Variants in PXDN observed in about 807,000 individuals in gnomAD.
The protein encoded by PXDN is peroxidasin homolog.
Under a neutral mutation model 140.3 loss-of-function variants are expected in PXDN, and 77 were observed. The observed-to-expected ratio is 0.55, with a 90% CI of 0.46 to 0.66. PXDN has a LOEUF of 0.66. Ranked by LOEUF, PXDN falls within the 30% of genes least tolerant of loss-of-function variation. The pLI, the probability that PXDN is intolerant of heterozygous loss-of-function variation, is 0.00. For missense variants in PXDN, 1,838 were observed against 2,039.5 expected, an observed-to-expected ratio of 0.90 and a Z score of 1.90; for synonymous variants, 911 against 857.4, an observed-to-expected ratio of 1.06 and a Z score of -1.09.
chr2:1,708,009 C>T (rs889068454), intron 1 of PXDN, among the ~76,000 whole-genome samples: 1 of 152,264 alleles, frequency 6.6e-6, no homozygotes, highest in African/African-American at 2.4e-5. Context: ...CCAGCTGGAA[C>T]AATGAGCTTT....
intron 1 of PXDN, among the ~76,000 whole-genome samples, chr2:1,739,774 C>CT (rs1388520139): frequency 6.6e-6 from 1 of 152,214 alleles, no homozygotes; most frequent in Non-Finnish European, 1.5e-5. Context: ...AGCCGCCTCC[C>CT]AGGCTCCCAC....
At chr2:1,667,816 T>A (rs1255707631) in intron 9 of PXDN, among the ~76,000 whole-genome samples, 1 of 152,120 alleles carries the variant, frequency 6.6e-6, no homozygotes, top group Admixed American at 6.5e-5. Flanking sequence ...TACAAACAAA[T>A]GGAAAAACAT....
At position 1,700,514 on chromosome 2, in the gene PXDN, A is replaced by G. The variant is rs574038970; in HGVS notation, c.201-7380T>C. ...CTCCTCATTAAGGTACAGGATTTCA[A>G]CTCGAATGTGCCTTCCTGAAGTAAA... is the stretch of plus-strand genomic sequence containing the variant. On this transcript the variant is annotated intron_variant, in intron 1 of 22. Transcript: ENST00000252804. Among the ~76,000 whole-genome samples the G allele has an allele frequency of 2.6e-5, 4 of 152,264 alleles. No individual in the cohort carries two copies. The East Asian group carries it at 5.8e-4, about 22-fold the overall frequency.
At chr2:1,637,061 G>A (rs1387220589) in intron 21 of PXDN, 2 of 152,320 alleles carry the variant, frequency 1.3e-5, no homozygotes, top group African/African-American at 4.8e-5. Flanking sequence ...GTCCAGCATT[G>A]TGGACAGAAT....
intron 9 of PXDN, among the ~76,000 whole-genome samples, chr2:1,673,370 T>C (rs2125433971): frequency 6.6e-6 from 1 of 152,120 alleles, no homozygotes; most frequent in South Asian, 2.1e-4. Context: ...GGCAAGGCCC[T>C]CTCTCAATGG....
chr2:1,658,842 G>A (rs771670882), intron 14 of PXDN, among the ~76,000 whole-genome samples: 77 of 121,368 alleles, frequency 6.3e-4, no homozygotes, highest in South Asian at 1.2e-3. Flanking sequence ...CCATCTCCCC[G>A]CGGCTCCCTC....
chr2:1,699,644 A>G (rs1185293411), intron 1 of PXDN, among the ~76,000 whole-genome samples: 1 of 152,158 alleles, frequency 6.6e-6, no homozygotes, highest in Non-Finnish European at 1.5e-5. Context: ...CAGGAGGTGG[A>G]GGTTGCAGTG....
intron 16 of PXDN, among the ~76,000 whole-genome samples, chr2:1,652,853 A>T (rs1683045640): frequency 6.6e-6 from 1 of 152,174 alleles, no homozygotes; most frequent in Non-Finnish European, 1.5e-5. Context: ...CAATGAAAAC[A>T]ATTTGGAAAA....
At chr2:1,659,756 A>T (rs140992400) in intron 14 of PXDN, among the ~76,000 whole-genome samples, 1,552 of 152,292 alleles carry the variant, frequency 0.01, 25 homozygotes, top group African/African-American at 0.036. Flanking sequence ...TACATTTCAC[A>T]CTCTACATAT....
At position 1,660,775 on chromosome 2, in the gene PXDN, G is replaced by A. The variant is rs920721317; in HGVS notation, c.1837+106C>T. 9.3e-6 allele frequency: 13 copies of A among 1,399,678 alleles called. No individual in the cohort carries two copies. In the African/African-American group the frequency reaches 1.6e-4, roughly 17 times the overall value. 86.7% of individuals were successfully genotyped at this position (1,399,678 alleles called of 1,614,324 possible). A position where few individuals can be genotyped will look rare whatever the true frequency, so the allele number is the denominator to read the frequency against. ...GGGAATCAAGGGTGCTTTGTCTTCT[G>A]AATAATTCTGAACAGCCTAAGTCAA... On this transcript the variant is annotated intron_variant, in intron 14 of 22. Transcript: ENST00000252804. This position sits in a 1 kb window ranked among gnomAD's most constrained non-coding sequence, Gnocchi z 4.6.
intron 14 of PXDN, among the ~76,000 whole-genome samples, chr2:1,655,253 T>C (rs1166079631): frequency 6.8e-6 from 1 of 146,960 alleles, no homozygotes; most frequent in African/African-American, 2.6e-5. Flanking sequence ...CAGAAACACA[T>C]ACGCCACCTA....
chr2:1,646,396 C>G (rs1358129778), intron 17 of PXDN, among the ~76,000 whole-genome samples: 11 of 152,166 alleles, frequency 7.2e-5, no homozygotes, highest in Non-Finnish European at 1.5e-4. Flanking sequence ...GGAGAGTAAT[C>G]TGTGTCAGTT....
At chr2:1,731,995 C>T (rs756981324) in intron 1 of PXDN, among the ~76,000 whole-genome samples, 1 of 152,102 alleles carries the variant, frequency 6.6e-6, no homozygotes, top group African/African-American at 2.4e-5. Flanking sequence ...TTTTACCACA[C>T]CTGCTTGCAG....
intron 1 of PXDN, among the ~76,000 whole-genome samples, chr2:1,733,330 T>C (rs1384270411): frequency 6.6e-6 from 1 of 151,986 alleles, no homozygotes; most frequent in Non-Finnish European, 1.5e-5. Flanking sequence ...ATCCAATTGC[T>C]CCACACCAGG....
intron 9 of PXDN, among the ~76,000 whole-genome samples, 179 bp downstream of exon 9, chr2:1,673,464 C>T (rs534544615): frequency 1.2e-4 from 18 of 152,286 alleles, no homozygotes; most frequent in Admixed American, 2.6e-4. Context: ...ACCACAGCAC[C>T]GCTCATGGAT....
intron 7 of PXDN, among the ~76,000 whole-genome samples, chr2:1,679,088 A>ATGTG (rs111613941): frequency 0.064 from 9,503 of 147,960 alleles, 372 homozygotes; most frequent in South Asian, 0.11. Flanking sequence ...ATGTGCATGC[A>ATGTG]TGTGTGTGTG....
rs117207020 is a variant in PXDN, at chr2:1,635,527, G to A, written c.4207-6C>T. 2.0e-3 allele frequency: 3,203 copies of A among 1,568,312 alleles called. 82 individuals are homozygous for A. In the East Asian group the frequency reaches 0.05, roughly 24 times the overall value. On this transcript the variant is annotated splice_polypyrimidine_tract_variant and splice_region_variant and intron_variant, in intron 21 of 22. Transcript: ENST00000252804. The stretch of plus-strand genomic sequence containing the variant: ...CGTGATTCAAGTTTCTTTATCTGCA[G>A]CAATGCAAAGAACATTCATTCATTG...
intron 3 of PXDN, among the ~76,000 whole-genome samples, chr2:1,688,606 C>A (rs950333927): frequency 3.9e-5 from 6 of 152,184 alleles, no homozygotes; most frequent in African/African-American, 1.4e-4. Flanking sequence ...CTTGGGGGAC[C>A]CCAAGAAGGC....
At chr2:1,664,898 G>T in intron 11 of PXDN, 60 bp downstream of exon 11, 1 of 1,385,996 alleles carries the variant, frequency 7.2e-7, no homozygotes, top group African/African-American at 1.4e-5. Context: ...CAGTGGAAAT[G>T]TGTGCTTCCT....
Sources: allele counts gnomAD v4.1 joint callset (sites outside exome capture counted in the v4.1 genomes callset), GRCh38; gene constraint gnomAD v4.1.1; non-coding constraint Gnocchi (gnomAD v3.1); transcripts MANE v1.5; gene names NCBI Gene and HGNC (gene_info 2026-07-23, HGNC 2026-07-21).